Variants in CDH11 observed in about 807,000 individuals in gnomAD.
The protein encoded by CDH11 is cadherin 11.
CDH11 carries 11 observed loss-of-function variants against 67.8 expected under a neutral mutation model. The ratio of observed to expected loss-of-function variants is 0.16; its 90% CI spans 0.10 to 0.27. The LOEUF is 0.27. CDH11 is among the 10% of genes least tolerant of loss of function. CDH11 has a pLI of 1.00. For synonymous variants in CDH11, 419 were observed against 400.0 expected (o/e 1.05, Z -0.57); for missense variants, 847 against 1,031.2 (o/e 0.82, Z 2.45).
At chr16:65,010,769 A>G (rs538020399) in intron 2 of CDH11, among the ~76,000 whole-genome samples, 3 of 152,024 alleles carry the variant, frequency 2.0e-5, no homozygotes, top group Non-Finnish European at 2.9e-5. Flanking sequence ...TGGAAAGATC[A>G]TTCACTACCT....
At chr16:64,957,444 G>A (rs958780309) in intron 11 of CDH11, among the ~76,000 whole-genome samples, 2 of 152,004 alleles carry the variant, frequency 1.3e-5, no homozygotes, top group African/African-American at 2.4e-5. Context: ...TCTACCACAT[G>A]AAAAGCTCCC....
chr16:65,011,026 TAC>T, intron 2 of CDH11, among the ~76,000 whole-genome samples: 1 of 148,164 alleles, frequency 6.7e-6, no homozygotes, highest in African/African-American at 2.5e-5. Context: ...TGTATATATA[TAC>T]ACACATATGT....
intron 2 of CDH11, among the ~76,000 whole-genome samples, chr16:65,010,602 T>A (rs927650297): frequency 6.6e-6 from 1 of 152,148 alleles, no homozygotes; most frequent in Admixed American, 6.5e-5. Flanking sequence ...CAATTTCTAA[T>A]ACCAAATTCA....
intron 1 of CDH11, among the ~76,000 whole-genome samples, chr16:65,099,903 AAGTG>A (rs879839867): frequency 2.0e-5 from 3 of 152,100 alleles, no homozygotes; most frequent in Admixed American, 2.0e-4. Flanking sequence ...GGTAGAGTAA[AAGTG>A]AGAGCTGAAG....
At chr16:65,117,860 A>C (rs909446973) in intron 1 of CDH11, among the ~76,000 whole-genome samples, 2 of 152,126 alleles carry the variant, frequency 1.3e-5, no homozygotes, top group African/African-American at 4.8e-5. Context: ...TCTCAGTGAG[A>C]GCTGACCTTG....
At chr16:65,057,130 T>C (rs2074156809) in intron 1 of CDH11, among the ~76,000 whole-genome samples, 1 of 152,344 alleles carries the variant, frequency 6.6e-6, no homozygotes, top group African/African-American at 2.4e-5. Flanking sequence ...GTGCGGGCTA[T>C]AGTGGGTCAT....
intron 3 of CDH11, among the ~76,000 whole-genome samples, chr16:65,000,393 T>C (rs2072889874): frequency 1.3e-5 from 2 of 152,338 alleles, no homozygotes; most frequent in South Asian, 2.1e-4. Flanking sequence ...TTATTTTTAC[T>C]GTTCTAGTGG....
At chr16:64,989,826 C>T (rs189153026) in intron 6 of CDH11, among the ~76,000 whole-genome samples, 1 of 152,188 alleles carries the variant, frequency 6.6e-6, no homozygotes, top group Non-Finnish European at 1.5e-5. Flanking sequence ...TTTCCTCTAT[C>T]ATTTCCAAGC....
At chr16:65,108,683 T>TC (rs1276173758) in intron 1 of CDH11, among the ~76,000 whole-genome samples, 1 of 101,878 alleles carries the variant, frequency 9.8e-6, no homozygotes, top group Non-Finnish European at 2.1e-5. Flanking sequence ...AAATCAATAT[T>TC]TAAAAAAAAA....
At chr16:65,006,248 C>T (rs1339435230) in intron 2 of CDH11, among the ~76,000 whole-genome samples, 1 of 152,140 alleles carries the variant, frequency 6.6e-6, no homozygotes, top group Non-Finnish European at 1.5e-5. Flanking sequence ...GAGGATGATA[C>T]ATTGATATTG....
intron 1 of CDH11, among the ~76,000 whole-genome samples, chr16:65,065,720 C>T (rs1182873399): frequency 6.6e-6 from 1 of 152,210 alleles, no homozygotes; most frequent in Non-Finnish European, 1.5e-5. Flanking sequence ...AGATACTCAA[C>T]AGCATCTTTC....
chr16:65,116,623 T>C (rs1296936362), intron 1 of CDH11, among the ~76,000 whole-genome samples: 6 of 152,194 alleles, frequency 3.9e-5, no homozygotes, highest in African/African-American at 9.7e-5. Context: ...TTCACAAATA[T>C]TGTTTGAGGG....
At chr16:65,117,723 A>G (rs1437221031) in intron 1 of CDH11, among the ~76,000 whole-genome samples, 1 of 152,232 alleles carries the variant, frequency 6.6e-6, no homozygotes, top group East Asian at 1.9e-4. Context: ...ACCTCATGAA[A>G]GAACGGGCAA....
intron 2 of CDH11, among the ~76,000 whole-genome samples, chr16:65,049,813 G>A (rs1005034095): frequency 2.6e-5 from 4 of 152,148 alleles, no homozygotes; most frequent in Admixed American, 6.5e-5. Context: ...GATGACACCA[G>A]ATACAGACAG....
At chr16:65,026,325 A>C (rs1201619429) in intron 2 of CDH11, among the ~76,000 whole-genome samples, 1 of 152,046 alleles carries the variant, frequency 6.6e-6, no homozygotes, top group African/African-American at 2.4e-5. Context: ...AAGGGTTTGG[A>C]GCCCTTTGGT....
chr16:64,997,830 G>A (rs1041256806), intron 4 of CDH11, among the ~76,000 whole-genome samples: 2 of 152,158 alleles, frequency 1.3e-5, no homozygotes, highest in Non-Finnish European at 1.5e-5. Context: ...AAATGTTCCT[G>A]AATTCATTTG....
chr16:64,967,643 C>G (rs1377097831), intron 11 of CDH11, among the ~76,000 whole-genome samples: 1 of 151,464 alleles, frequency 6.6e-6, no homozygotes, highest in African/African-American at 2.4e-5. Context: ...GTATTACATA[C>G]TATTAAGTGG....
At chr16:64,978,177 C>T (rs1280016257) in intron 8 of CDH11, among the ~76,000 whole-genome samples, 1 of 152,176 alleles carries the variant, frequency 6.6e-6, no homozygotes, top group Non-Finnish European at 1.5e-5. Context: ...TCCTGTTTTA[C>T]ACTCAAAAAC....
chr16:65,065,730 C>T (rs1406056501), intron 1 of CDH11, among the ~76,000 whole-genome samples: 1 of 152,218 alleles, frequency 6.6e-6, no homozygotes, highest in Non-Finnish European at 1.5e-5. Context: ...CAGCATCTTT[C>T]TGCCAGAAGG....
Sources: allele counts gnomAD v4.1 joint callset (sites outside exome capture counted in the v4.1 genomes callset), GRCh38; gene constraint gnomAD v4.1.1; transcripts MANE v1.5; gene names NCBI Gene and HGNC (gene_info 2026-07-23, HGNC 2026-07-21).